CHIT1: variants seen among roughly 807,000 people sequenced by gnomAD.
CHIT1 encodes chitinase 1.
In CHIT1, 47 loss-of-function variants were observed where a neutral mutation model predicts 52.0. That is an observed-to-expected ratio of 0.90 (90% CI 0.71 to 1.15). The LOEUF is 1.15. Among genes scored for constraint, CHIT1 ranks in the 50% most tolerant of loss-of-function variants. The pLI is 0.00. For missense variants in CHIT1, 569 were observed against 583.0 expected, an observed-to-expected ratio of 0.98 and a Z score of 0.25; for synonymous variants, 242 against 228.2, an observed-to-expected ratio of 1.06 and a Z score of -0.54.
At chr1:203,227,513 T>G (rs1656968503) in intron 2 of CHIT1, among the ~76,000 whole-genome samples, 1 of 152,136 alleles carries the variant, frequency 6.6e-6, no homozygotes, top group Admixed American at 6.5e-5. Flanking sequence ...TGGGTTGAAA[T>G]CCCAACTTTG....
Position 203,225,103 on chromosome 1 carries a change from T to G in CHIT1, c.259A>C (p.Asn87His). ...GCTAACAGGGTCTTCAGCTTGGGATTCCTGGGAAAGACAGGAGACACAGCA... is the reference window on the plus strand; with the variant it reads ...GCTAACAGGGTCTTCAGCTTGGGATGCCTGGGAAAGACAGGAGACACAGCA... ...YQEFNGLKKM[N>H]PKLKTLLAIG... The change falls in exon 4 of 11, where the codon AAT becomes CAT. Residue 87 changes from asparagine (N) to histidine (H), a missense_variant and splice_region_variant. Physicochemically the swap from Asn to His is moderately conservative, Grantham distance 68. Coordinates refer to ENST00000367229, the MANE Select transcript of CHIT1 (RefSeq NM_003465.3). The G allele has an allele frequency of 6.2e-7, 1 of 1,613,834 alleles. No homozygotes were observed. The highest frequency in any genetic ancestry group is 8.5e-7 in the Non-Finnish European group (1 of 1,179,954).
chr1:203,221,313 A>G (rs761210993), intron 7 of CHIT1, among the ~76,000 whole-genome samples: 2 of 152,192 alleles, frequency 1.3e-5, no homozygotes, highest in African/African-American at 4.8e-5. Flanking sequence ...AACCCTCTCT[A>G]TATTTTAAGA....
intron 7 of CHIT1, among the ~76,000 whole-genome samples, 161 bp from the exon 8 acceptor site, chr1:203,220,010 C>T (rs1302794395): frequency 1.3e-5 from 2 of 152,214 alleles, no homozygotes; most frequent in East Asian, 1.9e-4. Context: ...TCTTTAGAGC[C>T]TGCCTTAGAC....
chr1:203,223,768 G>T, intron 4 of CHIT1, 108 bp from the exon 5 acceptor site: 1 of 1,131,398 alleles, frequency 8.8e-7, no homozygotes, highest in Non-Finnish European at 1.3e-6. Context: ...TCTGTGTCTG[G>T]GCTAGGAGGG....
Position 203,216,905 on chromosome 1 carries a change from C to A in CHIT1, c.1385G>T (p.Cys462Phe). 6.2e-7 allele frequency: 1 copy of A among 1,614,200 alleles called. No homozygotes were observed. The highest frequency in any genetic ancestry group is 8.5e-7 in the Non-Finnish European group (1 of 1,180,038). ...TGLVFSNSCK[C>F]CTWN Reference sequence around the variant, plus strand: ...TTTAGCGACTCAATTCCAGGTGCAGCATTTGCAGGAGTTGCTGAACACCAG... The same window carrying A: ...TTTAGCGACTCAATTCCAGGTGCAGAATTTGCAGGAGTTGCTGAACACCAG... Residue 462 changes from cysteine (C) to phenylalanine (F), a missense_variant, in exon 11 of 11, where the codon TGC becomes TTC. Coordinates refer to ENST00000367229, the MANE Select transcript of CHIT1 (RefSeq NM_003465.3).
chr1:203,225,955 C>A, intron 2 of CHIT1, 85 bp from the exon 3 acceptor site: 1 of 1,391,752 alleles, frequency 7.2e-7, no homozygotes, highest in Admixed American at 1.9e-5. Context: ...TAGGCAATGT[C>A]CTTGGACCTC....
At chr1:203,217,527 A>G (rs1656577123) in intron 10 of CHIT1, among the ~76,000 whole-genome samples, 1 of 152,236 alleles carries the variant, frequency 6.6e-6, no homozygotes, top group South Asian at 2.1e-4. Context: ...CTGGGCAGGC[A>G]TTGCTACAAC....
At chr1:203,218,813 A>C (rs904657331) in intron 9 of CHIT1, among the ~76,000 whole-genome samples, 1 of 152,172 alleles carries the variant, frequency 6.6e-6, no homozygotes, top group African/African-American at 2.4e-5. Context: ...AAATGGCATG[A>C]AACCAGGTAA....
chr1:203,225,932 C>T, intron 2 of CHIT1, 62 bp from the exon 3 acceptor site: 2 of 1,564,342 alleles, frequency 1.3e-6, no homozygotes, highest in African/African-American at 1.4e-5. Context: ...GACTGGTCAC[C>T]CTCCATCTGG....
rs1386075079 is a variant in CHIT1, at chr1:203,222,167, G to A, written c.729+35C>T. 3.7e-6 allele frequency: 6 copies of A among 1,612,624 alleles called. No individual in the cohort carries two copies. The East Asian group carries it at 1.3e-4, about 36-fold the overall frequency. ...GCCACCAAACAGGGCCTGCTGGACA[G>A]GGGAGTCCTGCCTCAGCCCTCCTGC... is the stretch of plus-strand genomic sequence containing the variant. On this transcript the variant is annotated intron_variant, in intron 7 of 10. Coordinates refer to ENST00000367229, the MANE Select transcript of CHIT1 (RefSeq NM_003465.3).
intron 8 of CHIT1, 26 bp from the exon 9 acceptor site, chr1:203,219,355 G>C: frequency 7.9e-7 from 1 of 1,272,004 alleles, no homozygotes; most frequent in Non-Finnish European, 1.2e-6. Context: ...GCAGCACTGG[G>C]GAGGAGGAGG....
intron 10 of CHIT1, 196 bp from the exon 11 acceptor site, chr1:203,217,329 A>G (rs1656570108): frequency 6.6e-7 from 1 of 1,525,692 alleles, no homozygotes; most frequent in Non-Finnish European, 8.8e-7. Context: ...TGCCACAGGC[A>G]ACACCTGGCC....
In CHIT1 at chr1:203,216,600, T is replaced by C. The variant is rs1256587476; in HGVS notation, c.*289A>G. The stretch of plus-strand genomic sequence containing the variant: ...TGCACGGACCACCTTCCCACCTGGC[T>C]CTGACCTGCGGATGTTTTGGAGTCA... On this transcript the variant is annotated 3_prime_UTR_variant, in exon 11 of 11. Coordinates refer to ENST00000367229, the MANE Select transcript of CHIT1 (RefSeq NM_003465.3). 1 of 508,642 alleles carries C rather than the reference T, an allele frequency of 2.0e-6. No individual in the cohort carries two copies. The highest frequency in any genetic ancestry group is 2.3e-5 in the Admixed American group (1 of 43,998). The allele number at this position is 508,642 out of a possible 1,614,324, so 31.5% of individuals were successfully genotyped here.
At chr1:203,223,744 C>T in intron 4 of CHIT1, 84 bp from the exon 5 acceptor site, 14 of 1,378,062 alleles carry the variant, frequency 1.0e-5, no homozygotes, top group Non-Finnish European at 1.4e-5. Context: ...AGAAAACACT[C>T]AGGACAGTGC....
intron 5 of CHIT1, 40 bp downstream of exon 5, chr1:203,223,455 C>T: frequency 6.2e-7 from 1 of 1,612,436 alleles, no homozygotes; most frequent in South Asian, 1.1e-5. Context: ...AGCTCTGGGT[C>T]CCTGCACAGA....
Position 203,225,877 on chromosome 1 carries a change from C to G in CHIT1, c.56-7G>C. ...ACCAGTTTTGCAGCAGAGCCTGGCC[C>G]GTTGGAGTAAAGAAAAGGGATAGCT... is the stretch of plus-strand genomic sequence containing the variant. On this transcript the variant is annotated splice_polypyrimidine_tract_variant and splice_region_variant and intron_variant, in intron 2 of 10. Coordinates refer to ENST00000367229, the MANE Select transcript of CHIT1 (RefSeq NM_003465.3). The G allele has an allele frequency of 6.2e-7, 1 of 1,614,070 alleles. No individual in the cohort carries two copies. The highest frequency in any genetic ancestry group is 8.5e-7 in the Non-Finnish European group (1 of 1,179,998).
chr1:203,225,622 G>A (rs765552976), intron 3 of CHIT1, 47 bp downstream of exon 3: 2 of 1,582,212 alleles, frequency 1.3e-6, no homozygotes, highest in Non-Finnish European at 8.7e-7. Flanking sequence ...GAGGTTATCT[G>A]TCACCCCACC....
At chr1:203,221,926 C>G (rs893899198) in intron 7 of CHIT1, among the ~76,000 whole-genome samples, 3 of 152,106 alleles carry the variant, frequency 2.0e-5, no homozygotes, top group Non-Finnish European at 4.4e-5. Flanking sequence ...GAGACTCAAG[C>G]TCAAAGTGGG....
At chr1:203,218,879 A>G (rs901238730) in intron 9 of CHIT1, among the ~76,000 whole-genome samples, 3 of 152,194 alleles carry the variant, frequency 2.0e-5, no homozygotes, top group African/African-American at 7.2e-5. Context: ...AAAGGTCTGT[A>G]ATTTGGACAT....
Sources: gnomAD v4.1 joint callset for allele counts (sites outside exome capture counted in the v4.1 genomes callset) on GRCh38, gnomAD v4.1.1 for gene constraint, MANE v1.5 for transcripts, NCBI Gene and HGNC (gene_info 2026-07-23, HGNC 2026-07-21) for gene names.